Variants in SATB1 observed in about 807,000 individuals in gnomAD.
SATB1 encodes SATB homeobox 1, also known as DNA-binding protein SATB1.
Under a neutral mutation model 86.9 loss-of-function variants are expected in SATB1, and 11 were observed. That is an observed-to-expected ratio of 0.13 (90% CI 0.08 to 0.21). The LOEUF is 0.21. Ranked by LOEUF, SATB1 falls within the 10% of genes least tolerant of loss-of-function variation. The pLI, the probability that SATB1 is intolerant of heterozygous loss-of-function variation, is 1.00. For missense variants in SATB1, 551 were observed against 937.6 expected (o/e 0.59, Z 5.39); for synonymous variants, 357 against 357.2 (o/e 1.00, Z 0.01).
At position 18,365,277 on chromosome 3, in the gene SATB1, G is replaced by C. The variant is rs79993725; in HGVS notation, c.1575+12893C>G. On this transcript the variant is annotated intron_variant, in intron 9 of 10. Coordinates refer to ENST00000338745, the MANE Select transcript of SATB1 (RefSeq NM_002971.6). Reference sequence around the variant, plus strand: ...ATCATGTCATCCAAGTAATTTTAAAGGTAAATAAGATTAGCAGAGTATCCT... The same window carrying C: ...ATCATGTCATCCAAGTAATTTTAAACGTAAATAAGATTAGCAGAGTATCCT... 8.6e-3 allele frequency among the ~76,000 whole-genome samples: 1,302 copies of C among 152,220 alleles called. 45 individuals carry two copies. The East Asian group carries it at 0.098, about 11-fold the overall frequency.
upstream of SATB1, among the ~76,000 whole-genome samples, chr3:18,443,401 A>C (rs757277847): frequency 6.6e-6 from 1 of 152,142 alleles, no homozygotes; most frequent in African/African-American, 2.4e-5. The surrounding 1 kb of genome is among the most constrained non-coding windows in gnomAD (Gnocchi z 4.4). Flanking sequence ...CAAGTCTTAG[A>C]ACATTTGCTT....
At chr3:18,439,951 G>A (rs186097863), upstream of SATB1, among the ~76,000 whole-genome samples, 131 of 152,244 alleles carry the variant, frequency 8.6e-4, no homozygotes, top group African/African-American at 3.0e-3. Flanking sequence ...TCAAATGAAG[G>A]AGTTAAGAAT....
chr3:18,404,236 T>C (rs1224597351), intron 5 of SATB1, among the ~76,000 whole-genome samples: 2 of 152,052 alleles, frequency 1.3e-5, no homozygotes, highest in Non-Finnish European at 2.9e-5. Flanking sequence ...CTAAGTGCAA[T>C]ATTCTGTTTG....
At chr3:18,439,704 A>G (rs181743420), upstream of SATB1, among the ~76,000 whole-genome samples, 3 of 152,328 alleles carry the variant, frequency 2.0e-5, no homozygotes, top group East Asian at 5.8e-4. Context: ...GTGACTAGGT[A>G]TTGATAACTG....
chr3:18,401,752 T>C (rs905006844), intron 5 of SATB1, among the ~76,000 whole-genome samples: 1 of 152,110 alleles, frequency 6.6e-6, no homozygotes, highest in Admixed American at 6.6e-5. Context: ...CACAATATTC[T>C]CATCCTAGGA....
chr3:18,371,338 T>C (rs1295386733), intron 9 of SATB1, among the ~76,000 whole-genome samples: 1 of 152,206 alleles, frequency 6.6e-6, no homozygotes, highest in African/African-American at 2.4e-5. Flanking sequence ...ACATGGTATG[T>C]AATTATAAAT....
intron 9 of SATB1, among the ~76,000 whole-genome samples, chr3:18,360,344 C>T (rs569685676): frequency 6.6e-6 from 1 of 152,252 alleles, no homozygotes; most frequent in East Asian, 1.9e-4. Flanking sequence ...GCACCATGAC[C>T]TTCAGTGGCT....
chr3:18,351,677 T>C (rs1260668986), intron 10 of SATB1: 1 of 499,826 alleles, frequency 2.0e-6, no homozygotes, highest in African/African-American at 1.9e-5. Flanking sequence ...TTGTGATTTT[T>C]AAAAAACACA....
intron 5 of SATB1, among the ~76,000 whole-genome samples, chr3:18,411,304 ATG>A (rs1317357477): frequency 6.6e-6 from 1 of 152,042 alleles, no homozygotes; most frequent in East Asian, 1.9e-4. Flanking sequence ...GTACGCCCAC[ATG>A]TGTGGTGAAA....
At chr3:18,354,851 C>A (rs984466684) in intron 9 of SATB1, among the ~76,000 whole-genome samples, 13 of 152,114 alleles carry the variant, frequency 8.5e-5, no homozygotes, top group African/African-American at 2.9e-4. Context: ...AGAGCCCCGA[C>A]TCATTCAACA....
chr3:18,394,351 A>T lies in SATB1; in HGVS notation c.1206+111T>A. On this transcript the variant is annotated intron_variant, in intron 7 of 10. Transcript: ENST00000338745. This position sits in a 1 kb window ranked among gnomAD's most constrained non-coding sequence, Gnocchi z 5.9. ...GAATAGGTAATATGATCACATGAAG[A>T]GAGAGAGAAAATGTTAGTACAGAAG... The T allele has an allele frequency of 1.1e-6, 1 of 890,032 alleles. No homozygotes were observed. The highest frequency in any genetic ancestry group is 1.6e-5 in the South Asian group (1 of 61,468). The allele number at this position is 890,032 out of a possible 1,614,324, so 55.1% of individuals were successfully genotyped here. A position where few individuals can be genotyped will look rare whatever the true frequency, so the allele number is the denominator to read the frequency against.
intron 10 of SATB1, chr3:18,351,530 G>T: frequency 2.9e-6 from 2 of 688,264 alleles, no homozygotes; most frequent in Non-Finnish European, 4.8e-6. Context: ...TTCCAATTAA[G>T]CTTCCCTCCC....
chr3:18,397,917 C>T (rs534787697), intron 5 of SATB1, among the ~76,000 whole-genome samples: 6 of 152,160 alleles, frequency 3.9e-5, no homozygotes, highest in African/African-American at 1.4e-4. Context: ...GTTAACTGAC[C>T]GTATTTGAGA....
chr3:18,351,216 G>T, intron 10 of SATB1: 1 of 929,994 alleles, frequency 1.1e-6, no homozygotes, highest in Non-Finnish European at 1.7e-6. Flanking sequence ...TGGTTAGTAG[G>T]GCCTTTACAG....
intron 6 of SATB1, among the ~76,000 whole-genome samples, chr3:18,396,008 C>T (rs918741601): frequency 4.6e-5 from 7 of 152,178 alleles, no homozygotes; most frequent in Admixed American, 3.3e-4. Flanking sequence ...GCAGGTTTTA[C>T]ATTTAGAGGA....
chr3:18,407,531 A>G (rs1234066976), intron 5 of SATB1, among the ~76,000 whole-genome samples: 1 of 151,986 alleles, frequency 6.6e-6, no homozygotes, highest in African/African-American at 2.4e-5. Flanking sequence ...AACTGTTCTA[A>G]ATGTTTTCTA....
rs560380274 is a variant in SATB1, at chr3:18,378,483, T to A, written c.1420-158A>T. On this transcript the variant is annotated intron_variant, in intron 8 of 10. Coordinates refer to ENST00000338745, the MANE Select transcript of SATB1 (RefSeq NM_002971.6). ...ATTAGTTATTGCCCTGAGATCAGATTGCTTAAGTTAAGGGAAGTCACATTG... is the reference window on the plus strand; with the variant it reads ...ATTAGTTATTGCCCTGAGATCAGATAGCTTAAGTTAAGGGAAGTCACATTG... Among the ~76,000 whole-genome samples, 119 of 152,330 alleles carry A rather than the reference T, an allele frequency of 7.8e-4. 1 individual carries two copies. Among genetic ancestry groups the A allele is most frequent in the African/African-American group, 2.7e-3 (113 of 41,572 alleles).
At chr3:18,392,766 G>GA (rs1575132280) in intron 7 of SATB1, among the ~76,000 whole-genome samples, 1 of 151,932 alleles carries the variant, frequency 6.6e-6, no homozygotes. Context: ...AATGCTACCA[G>GA]AAACAGGAAT....
At chr3:18,353,037 T>C (rs1217738582) in intron 9 of SATB1, 1 of 152,152 alleles carries the variant, frequency 6.6e-6, no homozygotes, top group African/African-American at 2.4e-5. Context: ...TGATGGACAC[T>C]AAACAATGGA....
Sources: allele counts gnomAD v4.1 joint callset (sites outside exome capture counted in the v4.1 genomes callset), GRCh38; gene constraint gnomAD v4.1.1; non-coding constraint Gnocchi (gnomAD v3.1); transcripts MANE v1.5; gene names NCBI Gene and HGNC (gene_info 2026-07-23, HGNC 2026-07-21).